MOB3B: variants seen among roughly 807,000 people sequenced by gnomAD.
The protein encoded by MOB3B is MOB kinase activator-like 2B.
A neutral mutation model predicts 18.7 loss-of-function variants in MOB3B; 7 were observed. That is an observed-to-expected ratio of 0.37 (90% confidence interval 0.21 to 0.70). MOB3B has a LOEUF of 0.70. Ranked by LOEUF, MOB3B falls within the 30% of genes least tolerant of loss-of-function variation. The probability of loss-of-function intolerance (pLI) is 0.52; values close to 1 mark genes in which losing one functional copy is unlikely to be tolerated. For synonymous variants in MOB3B, 111 were observed against 99.9 expected (o/e 1.11, Z -0.66); for missense variants, 253 against 281.3 (o/e 0.90, Z 0.72).
chr9:27,339,063 G>A (rs1820904216), intron 3 of MOB3B, among the ~76,000 whole-genome samples: 1 of 152,128 alleles, frequency 6.6e-6, no homozygotes, highest in Non-Finnish European at 1.5e-5. Flanking sequence ...GGATCCCTGG[G>A]AACCCTCGGG....
chr9:27,476,115 T>C (rs544309371), intron 1 of MOB3B, among the ~76,000 whole-genome samples: 11 of 152,342 alleles, frequency 7.2e-5, no homozygotes, highest in African/African-American at 2.6e-4. Context: ...CCCTTACTTA[T>C]CTGCTCTATC....
At chr9:27,439,408 CA>C (rs1822562241) in intron 2 of MOB3B, among the ~76,000 whole-genome samples, 1 of 152,146 alleles carries the variant, frequency 6.6e-6, no homozygotes, top group Non-Finnish European at 1.5e-5. Context: ...CATACATACA[CA>C]CATACATATA....
chr9:27,397,570 GACT>G (rs1300041994), intron 2 of MOB3B: 1 of 152,084 alleles, frequency 6.6e-6, no homozygotes, highest in Non-Finnish European at 1.5e-5. Flanking sequence ...TGTGAAATTT[GACT>G]ACATCTTTTT....
intron 3 of MOB3B, among the ~76,000 whole-genome samples, chr9:27,350,909 T>C (rs1293941049): frequency 6.6e-6 from 1 of 151,644 alleles, no homozygotes; most frequent in African/African-American, 2.4e-5. Context: ...GCTTTTTTTT[T>C]TTTTTTTTTT....
chr9:27,407,555 C>T (rs1279612008), intron 2 of MOB3B, among the ~76,000 whole-genome samples: 1 of 152,072 alleles, frequency 6.6e-6, no homozygotes, highest in Non-Finnish European at 1.5e-5. Context: ...GCAGGAGGGC[C>T]CAGAGTACTG....
At chr9:27,458,365 T>G (rs1253662257) in intron 1 of MOB3B, among the ~76,000 whole-genome samples, 1 of 152,082 alleles carries the variant, frequency 6.6e-6, no homozygotes, top group Non-Finnish European at 1.5e-5. Context: ...GACGGGAGCA[T>G]GTGAATAACA....
rs1329745419 is a variant in MOB3B, at chr9:27,455,208, G to C, written c.343C>G (p.Pro115Ala). The change falls in exon 2 of 4, where the codon CCC (proline) becomes GCC (alanine). Residue 115 changes from proline (P) to alanine (A), a missense_variant. Transcript: ENST00000262244. ...TCCATAAGAAGGTTCATGTACTGGG[G>C]AGCTGGCAGCGCTGTTGGCTTCTTA... ...KYKKPTALPA[P>A]QYMNLLMDWI... The C allele has an allele frequency of 6.2e-7, 1 of 1,614,008 alleles. No individual in the cohort carries two copies. The highest frequency in any genetic ancestry group is 8.5e-7 in the Non-Finnish European group (1 of 1,180,030).
At chr9:27,445,248 T>C (rs1822672424) in intron 2 of MOB3B, among the ~76,000 whole-genome samples, 1 of 152,234 alleles carries the variant, frequency 6.6e-6, no homozygotes, top group African/African-American at 2.4e-5. Flanking sequence ...ATTACGTCAC[T>C]TAATTCTGAT....
intron 1 of MOB3B, among the ~76,000 whole-genome samples, chr9:27,492,585 C>G (rs1819834978): frequency 6.6e-6 from 1 of 152,122 alleles, no homozygotes; most frequent in East Asian, 1.9e-4. Flanking sequence ...TAGGATTTAA[C>G]CATTTACCAA....
intron 2 of MOB3B, among the ~76,000 whole-genome samples, chr9:27,391,405 A>G (rs1170565369): frequency 1.3e-5 from 2 of 152,176 alleles, no homozygotes; most frequent in Non-Finnish European, 2.9e-5. Flanking sequence ...GAGCTTTTTA[A>G]GTTATTTTTG....
At chr9:27,458,184 CA>C (rs894761259) in intron 1 of MOB3B, among the ~76,000 whole-genome samples, 3 of 152,178 alleles carry the variant, frequency 2.0e-5, no homozygotes, top group Non-Finnish European at 4.4e-5. Flanking sequence ...TCAATGCCCA[CA>C]GTCCTCAGAG....
chr9:27,488,125 TC>T (rs35960375), intron 1 of MOB3B, among the ~76,000 whole-genome samples: 1 of 152,182 alleles, frequency 6.6e-6, no homozygotes, highest in Non-Finnish European at 1.5e-5. Flanking sequence ...TCTCTGTGTT[TC>T]CCCTGCAGCT....
chr9:27,374,919 G>A (rs552288073), intron 2 of MOB3B, among the ~76,000 whole-genome samples: 60 of 152,338 alleles, frequency 3.9e-4, no homozygotes, highest in South Asian at 1.7e-3. Context: ...AAAGTTACCT[G>A]TGATTGCAAA....
chr9:27,414,138 A>G (rs1046638864), intron 2 of MOB3B, among the ~76,000 whole-genome samples: 1 of 152,220 alleles, frequency 6.6e-6, no homozygotes, highest in Admixed American at 6.5e-5. Flanking sequence ...CTGCTTCCCC[A>G]GGGAAAACCT....
chr9:27,485,630 T>A (rs2131482259), intron 1 of MOB3B, among the ~76,000 whole-genome samples: 1 of 152,330 alleles, frequency 6.6e-6, no homozygotes, highest in East Asian at 1.9e-4. Flanking sequence ...TGATTTTACA[T>A]CCTACATTCT....
chr9:27,459,748 C>T (rs1441511069), intron 1 of MOB3B, among the ~76,000 whole-genome samples: 3 of 151,980 alleles, frequency 2.0e-5, no homozygotes, highest in Non-Finnish European at 4.4e-5. Context: ...CCAGTGAATA[C>T]CTTTTCATAA....
At chr9:27,389,489 A>G (rs1260963374) in intron 2 of MOB3B, among the ~76,000 whole-genome samples, 1 of 139,270 alleles carries the variant, frequency 7.2e-6, no homozygotes, top group Non-Finnish European at 1.5e-5. Context: ...CACTTTTCCC[A>G]TCTCTCTTGA....
At chr9:27,460,364 A>AC (rs1460645912) in intron 1 of MOB3B, among the ~76,000 whole-genome samples, 2 of 152,216 alleles carry the variant, frequency 1.3e-5, no homozygotes, top group Non-Finnish European at 2.9e-5. Context: ...AAACATGTGC[A>AC]CTATAAAAAC....
At chr9:27,476,310 C>G (rs1338895754) in intron 1 of MOB3B, among the ~76,000 whole-genome samples, 1 of 152,212 alleles carries the variant, frequency 6.6e-6, no homozygotes, top group African/African-American at 2.4e-5. Flanking sequence ...AATGCTTTCT[C>G]TGAAGGCACT....
Sources: allele counts gnomAD v4.1 joint callset (sites outside exome capture counted in the v4.1 genomes callset), GRCh38; gene constraint gnomAD v4.1.1; transcripts MANE v1.5; gene names NCBI Gene and HGNC (gene_info 2026-07-23, HGNC 2026-07-21).